The following CA10 variants were observed in gnomAD, a reference collection of about 807,000 sequenced individuals.
The protein encoded by CA10 is carbonic anhydrase-related protein 10.
Under a neutral mutation model 44.2 loss-of-function variants are expected in CA10, and 14 were observed. That is an observed-to-expected ratio of 0.32 (90% CI 0.21 to 0.50). The LOEUF is 0.50. Ranked by LOEUF, CA10 falls within the 20% of genes least tolerant of loss-of-function variation. CA10 has a pLI of 0.99. For missense variants in CA10, 350 were observed against 409.7 expected (o/e 0.85, Z 1.26); for synonymous variants, 159 against 141.6 (o/e 1.12, Z -0.87).
At chr17:51,720,890 A>AT (rs2143529479) in intron 4 of CA10, among the ~76,000 whole-genome samples, 1 of 152,286 alleles carries the variant, frequency 6.6e-6, no homozygotes, top group South Asian at 2.1e-4. Context: ...TTGCTAATAG[A>AT]TTGTTAACAT....
chr17:51,999,471 T>C (rs1340244077), intron 2 of CA10, among the ~76,000 whole-genome samples: 1 of 152,020 alleles, frequency 6.6e-6, no homozygotes, highest in East Asian at 1.9e-4. Flanking sequence ...GCCATGTTCT[T>C]TTTATGTGGG....
At chr17:51,784,552 A>T (rs1052232819) in intron 3 of CA10, among the ~76,000 whole-genome samples, 1 of 152,116 alleles carries the variant, frequency 6.6e-6, no homozygotes, top group African/African-American at 2.4e-5. Context: ...ACCATTAGAC[A>T]CTCAACCTCC....
intron 3 of CA10, among the ~76,000 whole-genome samples, chr17:51,873,497 C>A (rs553651599): frequency 6.6e-6 from 1 of 152,342 alleles, no homozygotes; most frequent in Admixed American, 6.5e-5. Context: ...CTCCCACACT[C>A]CCTTGGAGCT....
rs193225159 is a variant in CA10, at chr17:51,868,506, T to C, written c.279+62484A>G. Among the ~76,000 whole-genome samples, 7 of 152,292 alleles carry C rather than the reference T, an allele frequency of 4.6e-5. No homozygotes were observed. The South Asian group carries it at 1.2e-3, about 27-fold the overall frequency. On this transcript the variant is annotated intron_variant, in intron 3 of 8. Coordinates refer to ENST00000451037, the MANE Select transcript of CA10 (RefSeq NM_020178.5). ...AAGATTTATCCCAGAACTGACCTTA[T>C]TTTACACTACCAACCCTGCCCAATC...
chr17:51,905,540 T>C (rs1052536274), intron 3 of CA10, among the ~76,000 whole-genome samples: 6 of 149,346 alleles, frequency 4.0e-5, no homozygotes, highest in Admixed American at 4.0e-4. Context: ...TTTTTTTTTT[T>C]TTTTTTTTTT....
chr17:51,983,098 T>C (rs1250598908), intron 2 of CA10, among the ~76,000 whole-genome samples: 1 of 151,920 alleles, frequency 6.6e-6, no homozygotes, highest in Non-Finnish European at 1.5e-5. Flanking sequence ...GAAATTTTTT[T>C]TTATATTTCA....
At chr17:52,075,296 CA>C (rs1987789213) in intron 1 of CA10, among the ~76,000 whole-genome samples, 1 of 152,112 alleles carries the variant, frequency 6.6e-6, no homozygotes, top group Non-Finnish European at 1.5e-5. Flanking sequence ...TTAATTAACA[CA>C]GACACAAATA....
chr17:51,803,554 G>A (rs1907018125), intron 3 of CA10, among the ~76,000 whole-genome samples: 2 of 152,098 alleles, frequency 1.3e-5, no homozygotes, highest in Non-Finnish European at 2.9e-5. Context: ...TACCTTTTTT[G>A]GGTGGTGTGA....
chr17:51,969,220 T>C (rs550630091), intron 2 of CA10, among the ~76,000 whole-genome samples: 2 of 152,190 alleles, frequency 1.3e-5, no homozygotes, highest in East Asian at 1.9e-4. Context: ...ACAACAGTAA[T>C]ATGGTTATTA....
At chr17:52,078,102 T>C (rs76621472) in intron 1 of CA10, among the ~76,000 whole-genome samples, 60 of 152,314 alleles carry the variant, frequency 3.9e-4, no homozygotes, top group African/African-American at 1.4e-3. Flanking sequence ...TAGATCCCTA[T>C]CATTAACAGA....
rs139299219 is a variant in CA10, at chr17:51,766,642, TG to T, written c.280-18825del. Among the ~76,000 whole-genome samples, 129 of 152,322 alleles carry T rather than the reference TG, an allele frequency of 8.5e-4. 1 individual carries two copies. The highest frequency in any genetic ancestry group is 3.0e-3 in the African/African-American group (124 of 41,568). On this transcript the variant is annotated intron_variant, in intron 3 of 8. Transcript: ENST00000451037. ...ATGAATATGTCAGTTTGCTTATTTT[TG>T]CTTATTTTTATTTCTCCAACACCAA...
At chr17:51,880,388 C>A (rs1980309765) in intron 3 of CA10, among the ~76,000 whole-genome samples, 1 of 152,082 alleles carries the variant, frequency 6.6e-6, no homozygotes, top group African/African-American at 2.4e-5. Flanking sequence ...CTCACTGCAA[C>A]CCCATTTCCA....
At chr17:52,109,894 G>A (rs1988753202) in intron 1 of CA10, among the ~76,000 whole-genome samples, 1 of 152,152 alleles carries the variant, frequency 6.6e-6, no homozygotes, top group Admixed American at 6.5e-5. Flanking sequence ...TTGAGACCCT[G>A]TTCCTATTAT....
intron 2 of CA10, among the ~76,000 whole-genome samples, chr17:52,034,668 T>G (rs1986565967): frequency 6.6e-6 from 1 of 152,136 alleles, no homozygotes; most frequent in South Asian, 2.1e-4. Flanking sequence ...CGTGACACCT[T>G]GGGAGAATGA....
At chr17:51,708,378 A>G (rs1006765829) in intron 4 of CA10, among the ~76,000 whole-genome samples, 2 of 152,150 alleles carry the variant, frequency 1.3e-5, no homozygotes, top group Non-Finnish European at 2.9e-5. Flanking sequence ...GCAACTTGTG[A>G]TAGGTTGTAG....
intron 1 of CA10, among the ~76,000 whole-genome samples, chr17:52,128,970 G>C (rs10514992): frequency 0.15 from 22,509 of 152,142 alleles, 1,889 homozygotes; most frequent in East Asian, 0.41. Context: ...ATTTCAGTTA[G>C]ACCCAGCATC....
chr17:51,909,179 T>C (rs1392811920), intron 3 of CA10, among the ~76,000 whole-genome samples: 2 of 152,180 alleles, frequency 1.3e-5, no homozygotes, highest in Non-Finnish European at 2.9e-5. Flanking sequence ...AAAGGTGTAC[T>C]GAGATATCTC....
At chr17:52,081,458 G>T (rs763830896) in intron 1 of CA10, among the ~76,000 whole-genome samples, 1 of 152,158 alleles carries the variant, frequency 6.6e-6, no homozygotes, top group East Asian at 1.9e-4. Flanking sequence ...GAGAAAGGTG[G>T]TGGTGGCTTC....
At chr17:51,999,238 A>T (rs1326953373) in intron 2 of CA10, among the ~76,000 whole-genome samples, 1 of 152,066 alleles carries the variant, frequency 6.6e-6, no homozygotes, top group African/African-American at 2.4e-5. Context: ...TTTATGGAGT[A>T]GGAAGTTCAG....
Sources: gnomAD v4.1 joint callset for allele counts (sites outside exome capture counted in the v4.1 genomes callset) on GRCh38, gnomAD v4.1.1 for gene constraint, MANE v1.5 for transcripts, NCBI Gene and HGNC (gene_info 2026-07-23, HGNC 2026-07-21) for gene names.